SMARCAL1: variants seen among roughly 807,000 people sequenced by gnomAD.
SMARCAL1 encodes the protein SNF2 related chromatin remodeling annealing helicase 1.
SMARCAL1 carries 58 observed loss-of-function variants against 94.5 expected under a neutral mutation model. The observed-to-expected ratio is 0.61, with a 90% confidence interval of 0.50 to 0.76. The LOEUF is 0.76. Among genes scored for constraint, SMARCAL1 ranks in the 30% least tolerant of loss-of-function variants. The pLI is 0.00. For synonymous variants in SMARCAL1, 422 were observed against 455.1 expected, an observed-to-expected ratio of 0.93 and a Z score of 0.93; for missense variants, 1,051 against 1,177.9, an observed-to-expected ratio of 0.89 and a Z score of 1.58.
chr2:216,448,167 T>C (rs1239314954), intron 11 of SMARCAL1, among the ~76,000 whole-genome samples: 1 of 152,200 alleles, frequency 6.6e-6, no homozygotes, highest in African/African-American at 2.4e-5. Flanking sequence ...AGGCAGGAAA[T>C]TTCCCAATTA....
At chr2:216,414,515 A>G (rs1693540897) in intron 2 of SMARCAL1, 132 bp from the exon 3 acceptor site, 1 of 616,920 alleles carries the variant, frequency 1.6e-6, no homozygotes, top group Non-Finnish European at 2.9e-6. Context: ...GCAATTATAA[A>G]AGAAACTTTA....
intron 12 of SMARCAL1, among the ~76,000 whole-genome samples, chr2:216,459,410 C>A (rs1227717205): frequency 1.3e-5 from 2 of 152,212 alleles, no homozygotes; most frequent in Non-Finnish European, 2.9e-5. Flanking sequence ...AAGCTGGAGT[C>A]ATCACACTAC....
intron 14 of SMARCAL1, among the ~76,000 whole-genome samples, chr2:216,468,598 A>T (rs1481412985): frequency 7.9e-5 from 12 of 152,164 alleles, no homozygotes; most frequent in Non-Finnish European, 4.4e-5. Context: ...AAGGCTGTAA[A>T]TTGCTCTTTG....
intron 16 of SMARCAL1, 22 bp from the exon 17 acceptor site, chr2:216,478,181 G>A (rs754467963): frequency 6.2e-7 from 1 of 1,602,932 alleles, no homozygotes; most frequent in Non-Finnish European, 8.5e-7. Flanking sequence ...TGTATTCACT[G>A]CAGCTCATTT....
intron 17 of SMARCAL1, among the ~76,000 whole-genome samples, chr2:216,481,812 C>A (rs1324895837): frequency 6.6e-6 from 1 of 152,152 alleles, no homozygotes; most frequent in Non-Finnish European, 1.5e-5. Flanking sequence ...GCCAAAAGAT[C>A]ATTTGATTTT....
chr2:216,454,138 A>G (rs886522204), intron 12 of SMARCAL1, among the ~76,000 whole-genome samples: 10 of 152,232 alleles, frequency 6.6e-5, no homozygotes, highest in African/African-American at 2.2e-4. Context: ...AAAAATTTAA[A>G]AACTCCATTG....
At chr2:216,420,605 T>C in intron 5 of SMARCAL1, 73 bp downstream of exon 5, 4 of 1,157,030 alleles carry the variant, frequency 3.5e-6, no homozygotes, top group Non-Finnish European at 5.2e-6. Context: ...TGTTTTTCTC[T>C]ACCTCGAATA....
At position 216,447,157 on chromosome 2, in the gene SMARCAL1, G is replaced by T. The variant is rs199805996; in HGVS notation, c.1850G>T (p.Arg617Leu). 2.9e-4 allele frequency: 469 copies of T among 1,613,800 alleles called. 2 individuals are homozygous for T. Among genetic ancestry groups the T allele is most frequent in the Non-Finnish European group, 2.2e-5 (26 of 1,180,004 alleles). ...GGACTTCGCTACTGTGATGCCAAAC[G>T]GGTATGTATTATCTCTTCCCTCCCA... Reference protein sequence around the residue: ...AFGLRYCDAKRMPWGWDYSGS... With the variant: ...AFGLRYCDAKLMPWGWDYSGS... Residue 617 changes from arginine to leucine, a missense_variant and splice_region_variant, in exon 11 of 18, where the codon CGG (arginine) becomes CTG (leucine). Transcript: ENST00000357276.
chr2:216,474,170 C>T (rs148090335), intron 14 of SMARCAL1, among the ~76,000 whole-genome samples: 1,149 of 113,446 alleles, frequency 0.01, 17 homozygotes, highest in African/African-American at 0.038. Flanking sequence ...GACAGAGTCT[C>T]GCTCTGTCAC....
At chr2:216,480,638 T>C (rs1695174983) in intron 17 of SMARCAL1, among the ~76,000 whole-genome samples, 1 of 152,130 alleles carries the variant, frequency 6.6e-6, no homozygotes, top group African/African-American at 2.4e-5. Context: ...AGATTTCGGG[T>C]GCAGGTTAAT....
Position 216,482,613 on chromosome 2 carries a change from G to C in SMARCAL1, c.2626-125G>C. On this transcript the variant is annotated intron_variant, in intron 17 of 17. Transcript: ENST00000357276. This position sits in a 1 kb window ranked among gnomAD's most constrained non-coding sequence, Gnocchi z 4.3. Reference sequence around the variant, plus strand: ...GATGATGCACACTTGCCATCGTGTAGCTCCCTGACACCATGAAATGTGTGG... The same window carrying C: ...GATGATGCACACTTGCCATCGTGTACCTCCCTGACACCATGAAATGTGTGG... 7.3e-7 allele frequency: 1 copy of C among 1,363,616 alleles called. No individual in the cohort carries two copies. The highest frequency in any genetic ancestry group is 1.0e-6 in the Non-Finnish European group (1 of 958,676). The allele number at this position is 1,363,616 out of a possible 1,614,324, so 84.5% of individuals were successfully genotyped here.
chr2:216,423,582 T>C (rs1559123640), intron 5 of SMARCAL1, 51 bp from the exon 6 acceptor site: 1 of 1,437,656 alleles, frequency 7.0e-7, no homozygotes, highest in Non-Finnish European at 9.8e-7. Context: ...TGTGATCACG[T>C]AGCAGAAGGG....
At chr2:216,473,211 A>G (rs1235645361) in intron 14 of SMARCAL1, among the ~76,000 whole-genome samples, 1 of 151,300 alleles carries the variant, frequency 6.6e-6, no homozygotes, top group East Asian at 1.9e-4. Context: ...GTCACTAAGG[A>G]TTAGTTTGCG....
intron 7 of SMARCAL1, among the ~76,000 whole-genome samples, chr2:216,430,472 G>A (rs368359004): frequency 6.6e-6 from 1 of 152,058 alleles, no homozygotes; most frequent in Non-Finnish European, 1.5e-5. Flanking sequence ...GTGGAGTTGG[G>A]GCTTAAATCT....
rs759400963 is a variant in SMARCAL1, at chr2:216,478,263, T to C, written c.2589T>C (p.Phe863=). Residue 863 remains phenylalanine (F), a synonymous_variant, in exon 17 of 18, where the codon TTT becomes TTC. Transcript: ENST00000357276. Reference sequence around the variant, plus strand: ...AAGCCGGGCTTTCTGAGACCAATTTTTCAGAAATGACAGAATCCACTGATT... The same window carrying C: ...AAGCCGGGCTTTCTGAGACCAATTTCTCAGAAATGACAGAATCCACTGATT... ...LAEAGLSETN[F]SEMTESTDYL... is the part of the protein sequence containing the mutation. The C allele has an allele frequency of 1.5e-5, 25 of 1,614,124 alleles. No individual in the cohort carries two copies. The highest frequency in any genetic ancestry group is 2.1e-5 in the Non-Finnish European group (25 of 1,179,978).
intron 12 of SMARCAL1, among the ~76,000 whole-genome samples, chr2:216,460,495 A>G (rs931185322): frequency 2.2e-4 from 33 of 152,304 alleles, no homozygotes; most frequent in Admixed American, 2.0e-3. Flanking sequence ...ACCATGGAAT[A>G]CTATGCAGCT....
At chr2:216,452,668 A>G (rs1319906677) in intron 12 of SMARCAL1, among the ~76,000 whole-genome samples, 1 of 152,188 alleles carries the variant, frequency 6.6e-6, no homozygotes, top group Non-Finnish European at 1.5e-5. Flanking sequence ...ATTAAGGAGG[A>G]AAAGCACATT....
At chr2:216,428,814 G>A in intron 7 of SMARCAL1, 32 bp downstream of exon 7, 1 of 1,594,738 alleles carries the variant, frequency 6.3e-7, no homozygotes, top group East Asian at 2.2e-5. Flanking sequence ...CTCTTCCTCT[G>A]TTGCTCAAAT....
chr2:216,472,616 C>T (rs1050765480), intron 14 of SMARCAL1, among the ~76,000 whole-genome samples: 1 of 146,332 alleles, frequency 6.8e-6, no homozygotes, highest in African/African-American at 2.5e-5. Context: ...CTGTGACATA[C>T]AAATAATGGT....
Sources: allele counts gnomAD v4.1 joint callset (sites outside exome capture counted in the v4.1 genomes callset), GRCh38; gene constraint gnomAD v4.1.1; non-coding constraint Gnocchi (gnomAD v3.1); transcripts MANE v1.5; gene names NCBI Gene and HGNC (gene_info 2026-07-23, HGNC 2026-07-21).